ZHX3: variants seen among roughly 807,000 people sequenced by gnomAD.
The protein encoded by ZHX3 is zinc fingers and homeoboxes protein 3.
A neutral mutation model predicts 64.5 loss-of-function variants in ZHX3; 20 were observed. The observed-to-expected ratio is 0.31, with a 90% CI of 0.22 to 0.45. The LOEUF (loss-of-function observed/expected upper bound fraction) is 0.45. Ranked by LOEUF, ZHX3 falls within the 20% of genes least tolerant of loss-of-function variation. The pLI, the probability that ZHX3 is intolerant of heterozygous loss-of-function variation, is 1.00. For missense variants in ZHX3, 1,041 were observed against 1,195.8 expected, an observed-to-expected ratio of 0.87 and a Z score of 1.91; for synonymous variants, 423 against 461.6, an observed-to-expected ratio of 0.92 and a Z score of 1.07.
chr20:41,210,710 G>A (rs1238802852), intron 2 of ZHX3, among the ~76,000 whole-genome samples: 2 of 152,130 alleles, frequency 1.3e-5, no homozygotes, highest in Non-Finnish European at 2.9e-5. Context: ...GGTGGGGAGA[G>A]GGACAGCATT....
At chr20:41,246,254 A>T (rs2041680583) in intron 2 of ZHX3, among the ~76,000 whole-genome samples, 1 of 152,250 alleles carries the variant, frequency 6.6e-6, no homozygotes, top group Non-Finnish European at 1.5e-5. Context: ...TCTGAGACCT[A>T]TTAAAGCACA....
chr20:41,218,527 C>T (rs928452379), intron 2 of ZHX3, among the ~76,000 whole-genome samples: 7 of 152,012 alleles, frequency 4.6e-5, no homozygotes, highest in Non-Finnish European at 7.4e-5. Context: ...ACTTTTATAC[C>T]GTCAGAAGAG....
At chr20:41,270,218 G>A (rs111776652) in intron 1 of ZHX3, among the ~76,000 whole-genome samples, 2 of 149,208 alleles carry the variant, frequency 1.3e-5, no homozygotes, top group African/African-American at 2.5e-5. Flanking sequence ...GTGAAACCCC[G>A]TCTCTACTAA....
chr20:41,288,212 G>GT (rs1365275839), intron 1 of ZHX3, among the ~76,000 whole-genome samples: 1 of 152,126 alleles, frequency 6.6e-6, no homozygotes, highest in Non-Finnish European at 1.5e-5. Context: ...CACAGATAGG[G>GT]TTTTGCCATG....
Position 41,232,500 on chromosome 20 carries a change from G to A in ZHX3, c.-150-27434C>T, listed in dbSNP as rs1355586519. ...ACTGGCTAGTCCTCAAATGAATCAC[G>A]TAGCATACAACCACAGGAGTGGAAA... On this transcript the variant is annotated intron_variant, in intron 2 of 3. Transcript: ENST00000683867. This position sits in a 1 kb window ranked among gnomAD's most constrained non-coding sequence, Gnocchi z 5.0. 1.3e-5 allele frequency among the ~76,000 whole-genome samples: 2 copies of A among 152,130 alleles called. No homozygotes were observed. Among genetic ancestry groups the A allele is most frequent in the African/African-American group, 2.4e-5 (1 of 41,426 alleles).
At chr20:41,196,574 A>T (rs1425688612) in intron 3 of ZHX3, 101 of 77,634 alleles carry the variant, frequency 1.3e-3, no homozygotes, top group African/African-American at 4.6e-3. Flanking sequence ...AATATATATA[A>T]AAATATATAT....
intron 1 of ZHX3, among the ~76,000 whole-genome samples, chr20:41,295,703 T>C (rs926985580): frequency 2.0e-5 from 3 of 152,058 alleles, no homozygotes; most frequent in Non-Finnish European, 2.9e-5. Flanking sequence ...ACAAAAAAGT[T>C]AGCCAGGCGT....
intron 1 of ZHX3, among the ~76,000 whole-genome samples, chr20:41,297,602 C>G (rs1489562792): frequency 6.6e-6 from 1 of 152,270 alleles, no homozygotes; most frequent in East Asian, 1.9e-4. Flanking sequence ...GTTGTGTTAG[C>G]CTCGGATGGA....
chr20:41,254,459 G>A (rs1398213745), intron 2 of ZHX3: 1 of 152,174 alleles, frequency 6.6e-6, no homozygotes, highest in Non-Finnish European at 1.5e-5. Flanking sequence ...AGTGCTAGCT[G>A]TTATTATGTC....
chr20:41,296,809 ATTCTAC>A (rs2044553408), intron 1 of ZHX3, among the ~76,000 whole-genome samples: 1 of 152,232 alleles, frequency 6.6e-6, no homozygotes, highest in Non-Finnish European at 1.5e-5. Context: ...TTGAGAATTC[ATTCTAC>A]TTGTGGCGTA....
intron 1 of ZHX3, among the ~76,000 whole-genome samples, chr20:41,290,839 G>A (rs2044200408): frequency 6.6e-6 from 1 of 152,064 alleles, no homozygotes; most frequent in Non-Finnish European, 1.5e-5. Flanking sequence ...GTGGCTACAG[G>A]GACTCAGTTA....
At chr20:41,299,019 G>T (rs1011484642) in intron 1 of ZHX3, among the ~76,000 whole-genome samples, 1 of 152,190 alleles carries the variant, frequency 6.6e-6, no homozygotes, top group Non-Finnish European at 1.5e-5. Flanking sequence ...GGAAAACCCT[G>T]TGGTCACTTC....
At chr20:41,306,939 C>T (rs543041096) in intron 1 of ZHX3, among the ~76,000 whole-genome samples, 20 of 152,294 alleles carry the variant, frequency 1.3e-4, no homozygotes, top group African/African-American at 2.9e-4. Flanking sequence ...TCAGGCATAA[C>T]GATGACCACC....
intron 1 of ZHX3, among the ~76,000 whole-genome samples, chr20:41,295,187 G>A (rs2044445456): frequency 6.6e-6 from 1 of 151,952 alleles, no homozygotes; most frequent in Admixed American, 6.6e-5. Flanking sequence ...AAGAGGGAGG[G>A]GTGGGGAAAC....
intron 2 of ZHX3, among the ~76,000 whole-genome samples, chr20:41,231,954 C>A (rs927350772): frequency 6.6e-6 from 1 of 152,038 alleles, no homozygotes; most frequent in South Asian, 2.1e-4. Flanking sequence ...AGTGATTGGC[C>A]TGGAGATGTG....
rs945998118 is a variant in ZHX3 at position 41,184,857 on chromosome 20, T to C, written c.*334A>G. 9.5e-6 allele frequency: 14 copies of C among 1,467,566 alleles called. No individual in the cohort carries two copies. In the African/African-American group the frequency reaches 9.8e-5, roughly 10 times the overall value. 90.9% of individuals were successfully genotyped at this position (1,467,566 alleles called of 1,614,324 possible). On this transcript the variant is annotated 3_prime_UTR_variant, in exon 4 of 4. Transcript: ENST00000683867. ...ATAATCTGATGTTTTATTTAACATATAGAGGTGGATGTATATGTTAAAAGC... is the reference window on the plus strand; with the variant it reads ...ATAATCTGATGTTTTATTTAACATACAGAGGTGGATGTATATGTTAAAAGC...
chr20:41,286,634 G>A (rs1407557658), intron 1 of ZHX3, among the ~76,000 whole-genome samples: 9 of 152,048 alleles, frequency 5.9e-5, no homozygotes, highest in Non-Finnish European at 2.9e-5. Flanking sequence ...TCCTTTCCAT[G>A]GGCTAAAAGC....
At position 41,201,342 on chromosome 20, in the gene ZHX3, G is replaced by A. The variant is rs1204093835; in HGVS notation, c.2860+715C>T. The stretch of plus-strand genomic sequence containing the variant: ...CTAATGAGAACACAAATGTCAAAGG[G>A]TAAGGAGGGAAGGGAGAGGCTGGGA... On this transcript the variant is annotated intron_variant, in intron 3 of 3. Coordinates refer to ENST00000683867, the MANE Select transcript of ZHX3 (RefSeq NM_001384317.1). The surrounding 1 kb of genome is among the most constrained non-coding windows in gnomAD (Gnocchi z 5.0). 1 of 1,304,756 alleles carries A rather than the reference G, an allele frequency of 7.7e-7. No individual in the cohort carries two copies. 80.8% of individuals were successfully genotyped at this position (1,304,756 alleles called of 1,614,324 possible).
Position 41,278,095 on chromosome 20 carries a change from C to T in ZHX3, c.-244-9012G>A, listed in dbSNP as rs796401905. 3.6e-5 allele frequency among the ~76,000 whole-genome samples: 5 copies of T among 138,218 alleles called. 1 individual carries two copies. Among genetic ancestry groups the T allele is most frequent in the African/African-American group, 1.4e-4 (5 of 36,766 alleles). The allele number at this position is 138,218 out of a possible 152,430, so 90.7% of individuals were successfully genotyped here. ...GTGGTGGCTCACGCCTGGGATTGTA[C>T]ACTTTGGGAGGTCGAGGTGGGCAGA... On this transcript the variant is annotated intron_variant, in intron 1 of 3. Transcript: ENST00000683867.
Sources: gnomAD v4.1 joint callset for allele counts (sites outside exome capture counted in the v4.1 genomes callset) on GRCh38, gnomAD v4.1.1 for gene constraint, Gnocchi (gnomAD v3.1) non-coding constraint, MANE v1.5 for transcripts, NCBI Gene and HGNC (gene_info 2026-07-23, HGNC 2026-07-21) for gene names.